The following BBS9 variants were observed in gnomAD, a reference collection of about 807,000 sequenced individuals.
BBS9 encodes protein PTHB1.
In BBS9, 89 loss-of-function variants were observed where a neutral mutation model predicts 117.7. The ratio of observed to expected loss-of-function variants is 0.76; its 90% confidence interval spans 0.64 to 0.90. BBS9 has a LOEUF of 0.90. BBS9 is among the 40% of genes least tolerant of loss of function. The probability of loss-of-function intolerance (pLI) is 0.00; values close to 1 mark genes in which losing one functional copy is unlikely to be tolerated. For missense variants in BBS9, 982 were observed against 1,042.2 expected (o/e 0.94, Z 0.80); for synonymous variants, 379 against 370.9 (o/e 1.02, Z -0.25).
At chr7:33,506,269 C>T (rs370163598) in intron 20 of BBS9, among the ~76,000 whole-genome samples, 9 of 152,212 alleles carry the variant, frequency 5.9e-5, no homozygotes, top group African/African-American at 7.2e-5. Context: ...ATGACCACCA[C>T]GGGCCGTTCT....
intron 20 of BBS9, among the ~76,000 whole-genome samples, chr7:33,511,961 G>T (rs1167993766): frequency 6.6e-6 from 1 of 152,208 alleles, no homozygotes; most frequent in Non-Finnish European, 1.5e-5. Context: ...AACAAAAAGA[G>T]GAAGTCTGGT....
chr7:33,135,566 G>A (rs761488236), intron 1 of BBS9, among the ~76,000 whole-genome samples: 6 of 152,146 alleles, frequency 3.9e-5, no homozygotes, highest in Non-Finnish European at 8.8e-5. Context: ...TGCCATACTG[G>A]CTTAATTATT....
Position 33,504,721 on chromosome 7 carries a change from A to T in BBS9, c.2116-742A>T, listed in dbSNP as rs547638980. On this transcript the variant is annotated intron_variant, in intron 19 of 22. Coordinates refer to ENST00000242067, the MANE Select transcript of BBS9 (RefSeq NM_198428.3). Reference sequence around the variant, plus strand: ...ACCAATGGGAAGTTTTGGATGTTTCATCCAATTGTTGCTTTAGTTCTTTTT... The same window carrying T: ...ACCAATGGGAAGTTTTGGATGTTTCTTCCAATTGTTGCTTTAGTTCTTTTT... Among the ~76,000 whole-genome samples, 28 of 152,276 alleles carry T rather than the reference A, an allele frequency of 1.8e-4. No individual in the cohort carries two copies. In the South Asian group the frequency reaches 5.8e-3, roughly 32 times the overall value.
intron 19 of BBS9, among the ~76,000 whole-genome samples, chr7:33,486,627 G>T (rs1378391666): frequency 6.6e-6 from 1 of 152,196 alleles, no homozygotes; most frequent in African/African-American, 2.4e-5. Context: ...AGCAATGAGA[G>T]ATTTGGGGGA....
intron 2 of BBS9, among the ~76,000 whole-genome samples, chr7:33,152,153 G>A (rs927093563): frequency 1.3e-5 from 2 of 152,182 alleles, no homozygotes; most frequent in African/African-American, 4.8e-5. Flanking sequence ...TCCAAATCAG[G>A]TCACATTCAG....
chr7:33,526,175 C>T (rs1266335395), intron 20 of BBS9, among the ~76,000 whole-genome samples: 1 of 151,802 alleles, frequency 6.6e-6, no homozygotes, highest in Non-Finnish European at 1.5e-5. Context: ...TCTGGCTGCC[C>T]TTAACATTTT....
intron 5 of BBS9, among the ~76,000 whole-genome samples, chr7:33,183,183 G>C (rs550446749): frequency 2.0e-5 from 3 of 152,100 alleles, no homozygotes; most frequent in Non-Finnish European, 4.4e-5. Flanking sequence ...TTCCACGAGG[G>C]AAACAGATGT....
chr7:33,270,084 T>C (rs1799539877), intron 7 of BBS9, among the ~76,000 whole-genome samples: 1 of 150,244 alleles, frequency 6.7e-6, no homozygotes, highest in South Asian at 2.1e-4. Context: ...AGAAAGAGCC[T>C]ACTTACTGAC....
intron 19 of BBS9, among the ~76,000 whole-genome samples, chr7:33,492,203 G>GAAAAAAAAAAAAAAAAAAA (rs138972197): frequency 1.4e-5 from 1 of 72,418 alleles, no homozygotes; most frequent in African/African-American, 6.5e-5. Flanking sequence ...ATTCCACCTC[G>GAAAAAAAAAAAAAAAAAAA]AAAAAAAAAA....
chr7:33,323,962 C>T (rs976686047), intron 9 of BBS9, among the ~76,000 whole-genome samples: 39 of 151,166 alleles, frequency 2.6e-4, no homozygotes, highest in African/African-American at 7.3e-4. Flanking sequence ...GTCAGCCTCT[C>T]GAGCAGCTGA....
intron 19 of BBS9, among the ~76,000 whole-genome samples, chr7:33,466,407 GGCCC>G (rs10558712): frequency 0.75 from 112,984 of 151,526 alleles, 42,499 homozygotes; most frequent in African/African-American, 0.84. Flanking sequence ...TGTCTTTCTG[GGCCC>G]GCCCGGTTTA....
At chr7:33,293,636 A>T (rs368538497) in intron 9 of BBS9, among the ~76,000 whole-genome samples, 2 of 152,088 alleles carry the variant, frequency 1.3e-5, no homozygotes, top group African/African-American at 4.8e-5. Context: ...GTATGCTATT[A>T]TTTCTTTCCA....
intron 9 of BBS9, among the ~76,000 whole-genome samples, chr7:33,335,026 T>C (rs1815007622): frequency 6.6e-6 from 1 of 152,218 alleles, no homozygotes; most frequent in Non-Finnish European, 1.5e-5. Context: ...AACTGAGCAA[T>C]GGTAGTATCT....
intron 1 of BBS9, among the ~76,000 whole-genome samples, chr7:33,139,945 T>C (rs11760363): frequency 0.11 from 16,813 of 151,874 alleles, 980 homozygotes; most frequent in South Asian, 0.14. Flanking sequence ...ATTTTTTTTT[T>C]CCACTTCCTT....
intron 19 of BBS9, among the ~76,000 whole-genome samples, chr7:33,493,237 G>A (rs75880443): frequency 3.9e-5 from 6 of 152,016 alleles, no homozygotes; most frequent in African/African-American, 1.2e-4. Context: ...TCAAGTGATC[G>A]CCTGCCTTGG....
At chr7:33,376,143 G>A (rs1205141394) in intron 17 of BBS9, among the ~76,000 whole-genome samples, 1 of 152,006 alleles carries the variant, frequency 6.6e-6, no homozygotes, top group Non-Finnish European at 1.5e-5. Context: ...ACTAAGTGTA[G>A]TACCTGAAAA....
chr7:33,137,378 A>T (rs994936262), intron 1 of BBS9, among the ~76,000 whole-genome samples: 4 of 152,112 alleles, frequency 2.6e-5, no homozygotes, highest in Non-Finnish European at 5.9e-5. Context: ...GGGTAGCTGC[A>T]GATGTGCCCA....
intron 5 of BBS9, among the ~76,000 whole-genome samples, chr7:33,244,671 A>G (rs1214613437): frequency 2.0e-5 from 3 of 152,154 alleles, no homozygotes; most frequent in Non-Finnish European, 4.4e-5. Context: ...TAGTCTTTCT[A>G]GCAACCCATT....
intron 1 of BBS9, 36 bp from the exon 2 acceptor site, chr7:33,146,206 G>T: frequency 7.2e-7 from 1 of 1,380,176 alleles, no homozygotes; most frequent in South Asian, 1.2e-5. Context: ...TTAGTTCATA[G>T]TGTGAAGTAG....
Sources: gnomAD v4.1 joint callset for allele counts (sites outside exome capture counted in the v4.1 genomes callset) on GRCh38, gnomAD v4.1.1 for gene constraint, MANE v1.5 for transcripts, NCBI Gene and HGNC (gene_info 2026-07-23, HGNC 2026-07-21) for gene names.